Variants in RPRD1A observed in about 807,000 individuals in gnomAD.
RPRD1A encodes the protein regulation of nuclear pre-mRNA domain containing 1A, also known as regulation of nuclear pre-mRNA domain-containing protein 1A.
RPRD1A carries 9 observed loss-of-function variants against 37.8 expected under a neutral mutation model. The observed-to-expected ratio is 0.24, with a 90% CI of 0.14 to 0.42. The LOEUF (loss-of-function observed/expected upper bound fraction) is 0.42, where lower values mean the gene tolerates loss of function less well. RPRD1A is among the 10% of genes least tolerant of loss of function. The pLI is 1.00. For synonymous variants in RPRD1A, 138 were observed against 139.7 expected, an observed-to-expected ratio of 0.99 and a Z score of 0.08; for missense variants, 255 against 371.0, an observed-to-expected ratio of 0.69 and a Z score of 2.57.
At chr18:36,064,661 G>T (rs777857617) in intron 1 of RPRD1A, among the ~76,000 whole-genome samples, 3 of 152,124 alleles carry the variant, frequency 2.0e-5, no homozygotes, top group Non-Finnish European at 4.4e-5. Context: ...GGACCAATCA[G>T]CTCTCTGTAA....
intron 1 of RPRD1A, among the ~76,000 whole-genome samples, chr18:36,038,134 A>G (rs1196268820): frequency 1.3e-5 from 2 of 152,246 alleles, no homozygotes; most frequent in African/African-American, 2.4e-5. Flanking sequence ...TTTGCAAGTA[A>G]CAAGGGGCCA....
intron 6 of RPRD1A, among the ~76,000 whole-genome samples, chr18:36,007,338 GGAT>G (rs1909805755): frequency 6.6e-6 from 1 of 152,134 alleles, no homozygotes; most frequent in East Asian, 1.9e-4. Context: ...TCTGTAATGT[GGAT>G]GATACTTGTG....
intron 1 of RPRD1A, among the ~76,000 whole-genome samples, chr18:36,049,858 G>A (rs528785461): frequency 6.6e-6 from 1 of 152,216 alleles, no homozygotes; most frequent in South Asian, 2.1e-4. Flanking sequence ...CTGAATCACG[G>A]TAATAGTATG....
At chr18:36,010,074 GTATGA>G (rs1355403982) in intron 6 of RPRD1A, among the ~76,000 whole-genome samples, 17 of 151,620 alleles carry the variant, frequency 1.1e-4, no homozygotes, top group Non-Finnish European at 2.2e-4. Context: ...ATATAATATG[GTATGA>G]TATGTTAGTT....
intron 6 of RPRD1A, among the ~76,000 whole-genome samples, chr18:36,008,302 G>A (rs1909889470): frequency 1.3e-5 from 2 of 151,782 alleles, no homozygotes; most frequent in South Asian, 2.1e-4. Flanking sequence ...ATTAGACTGT[G>A]TGCAGTAGCT....
At chr18:36,062,323 CAAAAAAAAAAAA>C (rs752980996) in intron 1 of RPRD1A, among the ~76,000 whole-genome samples, 4 of 40,632 alleles carry the variant, frequency 9.8e-5, no homozygotes, top group African/African-American at 4.0e-4. Context: ...GACTCCGTCT[CAAAAAAAAAAAA>C]AAAAAAAAAA....
intron 6 of RPRD1A, among the ~76,000 whole-genome samples, chr18:36,021,449 A>G (rs960728799): frequency 6.6e-6 from 1 of 152,210 alleles, no homozygotes; most frequent in African/African-American, 2.4e-5. Flanking sequence ...TGCTCCACTG[A>G]CTGGCTGTCC....
intron 1 of RPRD1A, among the ~76,000 whole-genome samples, chr18:36,051,220 C>T (rs928378430): frequency 1.1e-4 from 17 of 152,010 alleles, no homozygotes; most frequent in African/African-American, 3.6e-4. Flanking sequence ...TCAAGACGTG[C>T]GTCAATATAG....
intron 6 of RPRD1A, among the ~76,000 whole-genome samples, chr18:35,994,767 T>C (rs1052910908): frequency 2.6e-5 from 4 of 152,220 alleles, no homozygotes; most frequent in Admixed American, 1.3e-4. Flanking sequence ...CTTAGGTTTA[T>C]ATAAATAATC....
At chr18:36,022,351 A>G (rs115509724) in intron 6 of RPRD1A, among the ~76,000 whole-genome samples, 1 of 152,236 alleles carries the variant, frequency 6.6e-6, no homozygotes, top group Non-Finnish European at 1.5e-5. Context: ...TGGCTACACT[A>G]AACAACAGAT....
chr18:36,004,381 A>T (rs1180376282), intron 6 of RPRD1A, among the ~76,000 whole-genome samples: 1 of 151,986 alleles, frequency 6.6e-6, no homozygotes, highest in African/African-American at 2.4e-5. Context: ...CTGCCTCCCG[A>T]GTAGCTAGGA....
At chr18:35,998,369 A>AT (rs111619578) in intron 6 of RPRD1A, among the ~76,000 whole-genome samples, 41,772 of 151,972 alleles carry the variant, frequency 0.27, 6,213 homozygotes, top group African/African-American at 0.4. Context: ...ACTAAAAAAA[A>AT]AAATGTAACT....
chr18:36,020,871 T>C (rs1598620068), intron 6 of RPRD1A, among the ~76,000 whole-genome samples: 1 of 151,610 alleles, frequency 6.6e-6, no homozygotes, highest in Non-Finnish European at 1.5e-5. Flanking sequence ...CATACATCCA[T>C]ATATTAAAAG....
In RPRD1A at chr18:35,992,250, T is replaced by C. The variant is rs1205608980; in HGVS notation, c.*901A>G. The C allele has an allele frequency of 2.6e-5, 4 of 152,636 alleles. No homozygotes were observed. The highest frequency in any genetic ancestry group is 1.5e-5 in the Non-Finnish European group (1 of 68,018). 9.5% of individuals were successfully genotyped at this position (152,636 alleles called of 1,614,324 possible). A position where few individuals can be genotyped will look rare whatever the true frequency, so the allele number is the denominator to read the frequency against. On this transcript the variant is annotated 3_prime_UTR_variant, in exon 7 of 7. Transcript: ENST00000399022. ...GAGCTATTAGAGCTAAAAGTATTAT[T>C]TTTAAAGTTATATGAGCAAGGGAAT... is the stretch of plus-strand genomic sequence containing the variant.
Position 36,034,255 on chromosome 18 carries a change from G to A in RPRD1A, c.152-418C>T, listed in dbSNP as rs1017465768. 2.6e-5 allele frequency among the ~76,000 whole-genome samples: 4 copies of A among 152,176 alleles called. No homozygotes were observed. The East Asian group carries it at 7.7e-4, about 29-fold the overall frequency. ...AAGAGCATGAAATGTAAAACAGGTT[G>A]AAAGAGATGTCCCTTCAATCAATTA... On this transcript the variant is annotated intron_variant, in intron 1 of 6. Coordinates refer to ENST00000399022, the MANE Select transcript of RPRD1A (RefSeq NM_018170.5).
At chr18:36,062,044 G>A (rs905845774) in intron 1 of RPRD1A, among the ~76,000 whole-genome samples, 2 of 152,102 alleles carry the variant, frequency 1.3e-5, no homozygotes, top group African/African-American at 2.4e-5. Flanking sequence ...ATGGCCGGGC[G>A]CGGTGGCTCA....
At chr18:36,063,533 A>G (rs1343324220) in intron 1 of RPRD1A, among the ~76,000 whole-genome samples, 1 of 152,230 alleles carries the variant, frequency 6.6e-6, no homozygotes, top group Non-Finnish European at 1.5e-5. Context: ...ACTTTGAGAA[A>G]CTAAAGAATG....
chr18:36,009,643 T>C (rs1258823065), intron 6 of RPRD1A, among the ~76,000 whole-genome samples: 1 of 152,228 alleles, frequency 6.6e-6, no homozygotes, highest in Non-Finnish European at 1.5e-5. Flanking sequence ...TATGTCTCTA[T>C]TTACTTCATC....
chr18:36,044,411 G>A (rs1053334297), intron 1 of RPRD1A, among the ~76,000 whole-genome samples: 1 of 152,142 alleles, frequency 6.6e-6, no homozygotes. Flanking sequence ...ATCAAAGCTG[G>A]GCACAGAAGC....
Sources: gnomAD v4.1 joint callset for allele counts (sites outside exome capture counted in the v4.1 genomes callset) on GRCh38, gnomAD v4.1.1 for gene constraint, MANE v1.5 for transcripts, NCBI Gene and HGNC (gene_info 2026-07-23, HGNC 2026-07-21) for gene names.